Variants in WASHC4 observed in about 807,000 individuals in gnomAD.
The protein encoded by WASHC4 is WASH complex subunit 7.
Under a neutral mutation model 166.6 loss-of-function variants are expected in WASHC4, and 86 were observed. The observed-to-expected ratio is 0.52, with a 90% CI of 0.43 to 0.62. The LOEUF is 0.62. WASHC4 is among the 20% of genes least tolerant of loss of function. The pLI, the probability that WASHC4 is intolerant of heterozygous loss-of-function variation, is 0.00. For synonymous variants in WASHC4, 446 were observed against 451.6 expected (o/e 0.99, Z 0.16); for missense variants, 1,262 against 1,382.4 (o/e 0.91, Z 1.38).
intron 29 of WASHC4, among the ~76,000 whole-genome samples, chr12:105,161,306 A>G (rs1409205124): frequency 6.6e-6 from 1 of 152,170 alleles, no homozygotes; most frequent in Admixed American, 6.6e-5. Context: ...TTAATTTTCT[A>G]TCATAATTGT....
intron 19 of WASHC4, 38 bp from the exon 20 acceptor site, chr12:105,143,089 T>G: frequency 1.5e-6 from 2 of 1,324,654 alleles, no homozygotes; most frequent in Non-Finnish European, 2.2e-6. Flanking sequence ...AGAGACCTGG[T>G]TTTTCTAAAT....
In WASHC4 at chr12:105,157,513, T is replaced by C. The variant is rs140641284; in HGVS notation, c.2912+191T>C. ...AGCTTCTAGAACATGCTGTCCAGTA[T>C]TTCAGCCACTAGCCACACATGGCTC... On this transcript the variant is annotated intron_variant, in intron 28 of 32. Coordinates refer to ENST00000332180, the MANE Select transcript of WASHC4 (RefSeq NM_015275.3). Among the ~76,000 whole-genome samples the C allele has an allele frequency of 6.4e-3, 972 of 152,318 alleles. 6 individuals are homozygous for C. The highest frequency in any genetic ancestry group is 0.017 in the Middle Eastern group (5 of 294).
intron 5 of WASHC4, 72 bp downstream of exon 5, chr12:105,115,301 G>A: frequency 1.1e-6 from 1 of 921,448 alleles, no homozygotes; most frequent in Non-Finnish European, 1.8e-6. Context: ...GACAATTTTA[G>A]GACTACTATG....
At chr12:105,162,628 T>C in intron 29 of WASHC4, 121 bp from the exon 30 acceptor site, 1 of 639,516 alleles carries the variant, frequency 1.6e-6, no homozygotes, top group Non-Finnish European at 2.8e-6. Flanking sequence ...GACAGGAATC[T>C]AGATTCTATT....
chr12:105,167,086 C>G lies in WASHC4; in HGVS notation c.*155C>G, dbSNP rs1387215732. On this transcript the variant is annotated 3_prime_UTR_variant, in exon 33 of 33. Coordinates refer to ENST00000332180, the MANE Select transcript of WASHC4 (RefSeq NM_015275.3). ...AAAGGCAGTGCTTTAAAGTGAAGTT[C>G]ATTCTGTTTCCAAAGGCTCTACTTT... The G allele has an allele frequency of 4.8e-6, 3 of 629,460 alleles. No homozygotes were observed. The highest frequency in any genetic ancestry group is 4.9e-5 in the Admixed American group (2 of 40,426). 39.0% of individuals were successfully genotyped at this position (629,460 alleles called of 1,614,324 possible).
At chr12:105,160,407 G>A (rs557102921) in intron 29 of WASHC4, among the ~76,000 whole-genome samples, 26 of 152,214 alleles carry the variant, frequency 1.7e-4, no homozygotes, top group African/African-American at 6.3e-4. Flanking sequence ...GAGTGCAGTG[G>A]TGTGATCATG....
rs751815344 is a variant in WASHC4 at position 105,146,444 on chromosome 12, T to C, written c.2335-8T>C. On this transcript the variant is annotated splice_polypyrimidine_tract_variant and splice_region_variant and intron_variant, in intron 22 of 32. Coordinates refer to ENST00000332180, the MANE Select transcript of WASHC4 (RefSeq NM_015275.3). ...TATAATAAAACTTGTATGTGTATTA[T>C]GTTGTAGGGCCTTGATGTTTTAGAA... The C allele has an allele frequency of 1.3e-6, 2 of 1,510,102 alleles. No individual in the cohort carries two copies. Among genetic ancestry groups the C allele is most frequent in the South Asian group, 1.1e-5 (1 of 88,540 alleles). 93.5% of individuals were successfully genotyped at this position (1,510,102 alleles called of 1,614,324 possible). A position where few individuals can be genotyped will look rare whatever the true frequency, so the allele number is the denominator to read the frequency against.
chr12:105,131,072 T>A (rs936614394), intron 13 of WASHC4, among the ~76,000 whole-genome samples: 6 of 150,062 alleles, frequency 4.0e-5, no homozygotes, highest in African/African-American at 1.5e-4. Context: ...ATATATTTAT[T>A]TATTTATTTA....
At position 105,160,160 on chromosome 12, in the gene WASHC4, C is replaced by T. The variant is rs753046930; in HGVS notation, c.3060+12C>T. On this transcript the variant is annotated intron_variant, in intron 29 of 32. Coordinates refer to ENST00000332180, the MANE Select transcript of WASHC4 (RefSeq NM_015275.3). ...TTGTTCCCCCTCTGGTGAGTATTTC[C>T]AGAACCTAAAATGAATTTTTTTTTT... The T allele has an allele frequency of 1.3e-5, 21 of 1,610,164 alleles. No individual in the cohort carries two copies. In the African/African-American group the frequency reaches 2.1e-4, roughly 16 times the overall value.
rs1884855632 is a variant in WASHC4, at chr12:105,167,124, A to C, written c.*193A>C. ...AAGGCTCTACTTTCAAAGGTTAAGA[A>C]TGAGATTTTAAAATTGGATTTTTGC... is the stretch of plus-strand genomic sequence containing the variant. On this transcript the variant is annotated 3_prime_UTR_variant, in exon 33 of 33. Coordinates refer to ENST00000332180, the MANE Select transcript of WASHC4 (RefSeq NM_015275.3). 2 of 549,890 alleles carry C rather than the reference A, an allele frequency of 3.6e-6. No individual in the cohort carries two copies. The highest frequency in any genetic ancestry group is 3.2e-5 in the Admixed American group (1 of 31,432). 34.1% of individuals were successfully genotyped at this position (549,890 alleles called of 1,614,324 possible). A position where few individuals can be genotyped will look rare whatever the true frequency, so the allele number is the denominator to read the frequency against.
At chr12:105,138,962 C>T (rs1187061063) in intron 15 of WASHC4, among the ~76,000 whole-genome samples, 1 of 152,122 alleles carries the variant, frequency 6.6e-6, no homozygotes, top group Non-Finnish European at 1.5e-5. Context: ...TGCATCTCAA[C>T]CTGTCCACCT....
intron 22 of WASHC4, among the ~76,000 whole-genome samples, chr12:105,145,079 T>C (rs143428289): frequency 7.9e-5 from 12 of 151,846 alleles, no homozygotes; most frequent in African/African-American, 2.4e-4. Context: ...GGGTCCTGCT[T>C]ATATTCAGCC....
In WASHC4 at chr12:105,143,244, G is replaced by T; in HGVS notation, c.2010+1G>T. On this transcript the variant is annotated splice_donor_variant, in intron 20 of 32. Coordinates refer to ENST00000332180, the MANE Select transcript of WASHC4 (RefSeq NM_015275.3). LOFTEE classifies it high-confidence loss of function. ...GGAAATTATGGAAATTTTAAATGAG[G>T]TAACATCATATTTGAGATTGAAAAG... 6.9e-7 allele frequency: 1 copy of T among 1,444,884 alleles called. No individual in the cohort carries two copies. Among genetic ancestry groups the T allele is most frequent in the Non-Finnish European group, 9.7e-7 (1 of 1,026,382 alleles). The allele number at this position is 1,444,884 out of a possible 1,614,324, so 89.5% of individuals were successfully genotyped here.
chr12:105,141,379 A>C, intron 18 of WASHC4, 133 bp downstream of exon 18: 1 of 759,000 alleles, frequency 1.3e-6, no homozygotes, highest in Admixed American at 1.8e-5. Flanking sequence ...CTTCTTTAGC[A>C]TGACCAAAAT....
At chr12:105,110,558 A>G (rs1018883298) in intron 1 of WASHC4, among the ~76,000 whole-genome samples, 13 of 152,216 alleles carry the variant, frequency 8.5e-5, no homozygotes, top group Non-Finnish European at 1.6e-4. Flanking sequence ...CTTGATTATG[A>G]CAGTTAAATA....
chr12:105,135,695 C>CTGCTATTA (rs58019484), intron 14 of WASHC4, among the ~76,000 whole-genome samples: 1 of 151,542 alleles, frequency 6.6e-6, no homozygotes, highest in Non-Finnish European at 1.5e-5. Flanking sequence ...TGTCTCTAAT[C>CTGCTATTA]AATTCATCTA....
At chr12:105,160,573 A>G (rs1884435607) in intron 29 of WASHC4, among the ~76,000 whole-genome samples, 1 of 152,116 alleles carries the variant, frequency 6.6e-6, no homozygotes, top group African/African-American at 2.4e-5. Context: ...GCTGGTCTTG[A>G]ACTCCTGGGC....
chr12:105,127,913 A>C (rs1404930987), intron 13 of WASHC4, among the ~76,000 whole-genome samples: 1 of 152,180 alleles, frequency 6.6e-6, no homozygotes, highest in Non-Finnish European at 1.5e-5. Context: ...AAGTAGAGAA[A>C]ATAGTATAAA....
intron 8 of WASHC4, 94 bp downstream of exon 8, chr12:105,120,691 C>T (rs1243631549): frequency 1.6e-5 from 14 of 892,888 alleles, no homozygotes; most frequent in Non-Finnish European, 2.3e-5. Context: ...GTCATAGGAA[C>T]ACTCTTAAAG....
Sources: gnomAD v4.1 joint callset for allele counts (sites outside exome capture counted in the v4.1 genomes callset) on GRCh38, gnomAD v4.1.1 for gene constraint, MANE v1.5 for transcripts, NCBI Gene and HGNC (gene_info 2026-07-23, HGNC 2026-07-21) for gene names.